ANK2: variants seen among roughly 807,000 people sequenced by gnomAD.
ANK2 encodes the protein ankyrin-2.
In ANK2, 83 loss-of-function variants were observed where a neutral mutation model predicts 360.5. The observed-to-expected ratio is 0.23, with a 90% CI of 0.19 to 0.28. ANK2 has a LOEUF of 0.28. Among genes scored for constraint, ANK2 ranks in the 10% least tolerant of loss-of-function variants. The pLI, the probability that ANK2 is intolerant of heterozygous loss-of-function variation, is 1.00. For missense variants in ANK2, 4,201 were observed against 4,795.7 expected (o/e 0.88, Z 3.66); for synonymous variants, 1,740 against 1,759.5 (o/e 0.99, Z 0.28).
At chr4:112,739,193 G>C in the ANK2 span, 1 of 332,290 alleles carries the variant, frequency 3.0e-6, no homozygotes, top group East Asian at 8.1e-5. Context: ...CTACATTCTA[G>C]AAGAGTCCAT....
At chr4:112,849,364 A>T (rs1029454413) in intron 1 of ANK2, among the ~76,000 whole-genome samples, 15 of 152,272 alleles carry the variant, frequency 9.9e-5, no homozygotes, top group African/African-American at 3.6e-4. Flanking sequence ...CCAAAGTTTG[A>T]AATCTTGAAA....
At chr4:113,151,783 AGGCT>A (rs1196582730) in intron 1 of ANK2, among the ~76,000 whole-genome samples, 1 of 151,958 alleles carries the variant, frequency 6.6e-6, no homozygotes, top group Non-Finnish European at 1.5e-5. Flanking sequence ...TGGTGAAGGT[AGGCT>A]GGGCACCATG....
rs770041429 is a variant in ANK2 at position 113,381,518 on chromosome 4, C to T, written c.*47C>T. The T allele has an allele frequency of 7.4e-6, 12 of 1,613,884 alleles. No individual in the cohort carries two copies. Among genetic ancestry groups the T allele is most frequent in the Admixed American group, 1.7e-5 (1 of 59,982 alleles). On this transcript the variant is annotated 3_prime_UTR_variant, in exon 46 of 46. Transcript: ENST00000357077. ...TGTGGTGAAGGACCAGCATGGAAAACGCATTGACTTGGAGCACCTGGAGGA... is the reference window on the plus strand; with the variant it reads ...TGTGGTGAAGGACCAGCATGGAAAATGCATTGACTTGGAGCACCTGGAGGA...
chr4:113,312,896 G>C (rs1362050884), intron 24 of ANK2, among the ~76,000 whole-genome samples: 2 of 152,308 alleles, frequency 1.3e-5, no homozygotes, highest in East Asian at 1.9e-4. Flanking sequence ...AGAAGCAATT[G>C]TTCGTGTATT....
At chr4:112,845,600 T>C (rs905780611) in intron 1 of ANK2, among the ~76,000 whole-genome samples, 1 of 152,156 alleles carries the variant, frequency 6.6e-6, no homozygotes, top group Admixed American at 6.5e-5. Context: ...GGAAGTTGAA[T>C]GGAAGTGTTC....
At chr4:112,991,619 CTTTTTTT>C (rs35505334) in intron 2 of ANK2, among the ~76,000 whole-genome samples, 2 of 125,858 alleles carry the variant, frequency 1.6e-5, no homozygotes, top group Non-Finnish European at 3.2e-5. Flanking sequence ...TTCTTTCTTT[CTTTTTTT>C]TTTTTTTTTG....
intron 2 of ANK2, among the ~76,000 whole-genome samples, chr4:113,180,569 A>C (rs2098385162): frequency 6.6e-6 from 1 of 152,238 alleles, no homozygotes; most frequent in Non-Finnish European, 1.5e-5. Context: ...AATTTGGTAA[A>C]GTTACTATTT....
intron 17 of ANK2, among the ~76,000 whole-genome samples, chr4:113,280,584 C>T (rs2061910483): frequency 6.6e-6 from 1 of 152,178 alleles, no homozygotes; most frequent in African/African-American, 2.4e-5. Context: ...ATTATAATGT[C>T]TCCTCTCCTT....
At chr4:113,368,052 A>G (rs1004739611) in intron 42 of ANK2, among the ~76,000 whole-genome samples, 1 of 152,226 alleles carries the variant, frequency 6.6e-6, no homozygotes, top group African/African-American at 2.4e-5. Flanking sequence ...ACAGACCTAC[A>G]AGAACCAACT....
chr4:112,830,814 C>T (rs1280775728), intron 1 of ANK2, among the ~76,000 whole-genome samples: 1 of 152,086 alleles, frequency 6.6e-6, no homozygotes, highest in South Asian at 2.1e-4. Context: ...GAGGGAGAGG[C>T]GTGGGCAGGA....
chr4:113,282,562 A>T (rs1407959726), intron 17 of ANK2, 113 bp from the exon 18 acceptor site: 2 of 1,054,440 alleles, frequency 1.9e-6, no homozygotes, highest in African/African-American at 3.2e-5. Context: ...TTAACTGTAA[A>T]CTCACTTTTA....
chr4:113,211,833 G>A (rs371779068), intron 4 of ANK2, among the ~76,000 whole-genome samples: 12 of 152,264 alleles, frequency 7.9e-5, no homozygotes, highest in Non-Finnish European at 1.0e-4. Flanking sequence ...CAATGCAAAA[G>A]TATATGGAGA....
chr4:113,258,109 G>C lies in ANK2; in HGVS notation c.1248G>C (p.Leu416=), dbSNP rs2153633896. 2 of 1,614,192 alleles carry C rather than the reference G, an allele frequency of 1.2e-6. No individual in the cohort carries two copies. Among genetic ancestry groups the C allele is most frequent in the Non-Finnish European group, 1.7e-6 (2 of 1,180,022 alleles). The change falls in exon 12 of 46, where the codon CTG becomes CTC. Residue 416 remains leucine, a synonymous_variant. Coordinates refer to ENST00000357077, the MANE Select transcript of ANK2 (RefSeq NM_001148.6). ...CKKNRIKVME[L]LVKYGASIQA... Reference sequence around the variant, plus strand: ...AAAACCGCATCAAAGTCATGGAACTGCTGGTGAAATATGGGGCTTCAATCC... The same window carrying C: ...AAAACCGCATCAAAGTCATGGAACTCCTGGTGAAATATGGGGCTTCAATCC...
intron 1 of ANK2, among the ~76,000 whole-genome samples, chr4:112,837,599 G>T (rs1373498181): frequency 1.3e-5 from 2 of 152,252 alleles, no homozygotes; most frequent in African/African-American, 2.4e-5. Context: ...AGCCTCAGGG[G>T]CTGTACCCTG....
chr4:113,108,134 T>C (rs2093867215), intron 1 of ANK2, among the ~76,000 whole-genome samples: 1 of 152,178 alleles, frequency 6.6e-6, no homozygotes, highest in Non-Finnish European at 1.5e-5. Context: ...GGGTTTAGCT[T>C]TGTGTTTTTA....
At chr4:113,136,911 C>T (rs1007675515) in intron 1 of ANK2, among the ~76,000 whole-genome samples, 14 of 152,014 alleles carry the variant, frequency 9.2e-5, no homozygotes, top group Non-Finnish European at 1.6e-4. Context: ...GTGCGTGCCA[C>T]CAGGCCTAGC....
At chr4:113,339,679 G>T (rs1025418842) in intron 32 of ANK2, among the ~76,000 whole-genome samples, 13 of 152,244 alleles carry the variant, frequency 8.5e-5, no homozygotes, top group African/African-American at 9.6e-5. Context: ...CCAACAGAAT[G>T]ATAACAGCAC....
chr4:113,247,221 A>G (rs922035649), intron 9 of ANK2, among the ~76,000 whole-genome samples: 24 of 152,034 alleles, frequency 1.6e-4, no homozygotes, highest in Non-Finnish European at 4.4e-5. Context: ...GGAAAAACCC[A>G]TAACCTGCAA....
the ANK2 span, among the ~76,000 whole-genome samples, chr4:112,706,333 A>G: frequency 1.3e-5 from 2 of 152,092 alleles, no homozygotes; most frequent in Non-Finnish European, 2.9e-5. Context: ...GACACGAGCC[A>G]ACTTGGCTAC....
Sources: allele counts gnomAD v4.1 joint callset (sites outside exome capture counted in the v4.1 genomes callset), GRCh38; gene constraint gnomAD v4.1.1; transcripts MANE v1.5; gene names NCBI Gene and HGNC (gene_info 2026-07-23, HGNC 2026-07-21).